The following ASTN2 variants were observed in gnomAD, a reference collection of about 807,000 sequenced individuals.
ASTN2 encodes the protein astrotactin 2.
Under a neutral mutation model 139.8 loss-of-function variants are expected in ASTN2, and 54 were observed. That is an observed-to-expected ratio of 0.39 (90% confidence interval 0.31 to 0.48). The LOEUF is 0.48. ASTN2 is among the 20% of genes least tolerant of loss of function. ASTN2 has a pLI of 0.95. For synonymous variants in ASTN2, 756 were observed against 719.5 expected, an observed-to-expected ratio of 1.05 and a Z score of -0.81; for missense variants, 1,565 against 1,725.1, an observed-to-expected ratio of 0.91 and a Z score of 1.64.
intron 10 of ASTN2, among the ~76,000 whole-genome samples, chr9:116,937,088 A>T (rs1434917350): frequency 6.6e-6 from 1 of 152,222 alleles, no homozygotes; most frequent in Non-Finnish European, 1.5e-5. Context: ...ATGCTAGGAC[A>T]ACAACCTTGA....
intron 19 of ASTN2, among the ~76,000 whole-genome samples, chr9:116,515,051 G>C (rs971741131): frequency 6.6e-6 from 1 of 152,142 alleles, no homozygotes; most frequent in Non-Finnish European, 1.5e-5. Flanking sequence ...CAATACCTCA[G>C]TTGGAAATGC....
intron 16 of ASTN2, among the ~76,000 whole-genome samples, chr9:116,674,035 A>C (rs574333206): frequency 1.3e-5 from 2 of 152,230 alleles, no homozygotes; most frequent in Non-Finnish European, 2.9e-5. Flanking sequence ...AAATGGTAAC[A>C]GCTCTTTCCA....
At chr9:117,388,523 A>G (rs184599135) in intron 1 of ASTN2, among the ~76,000 whole-genome samples, 90 of 152,328 alleles carry the variant, frequency 5.9e-4, no homozygotes, top group African/African-American at 1.9e-3. Flanking sequence ...CTCCTTCAGC[A>G]ATTCTATCCT....
At position 116,464,474 on chromosome 9, in the gene ASTN2, T is replaced by G. The variant is rs983131; in HGVS notation, c.3498-21921A>C. 5.4e-3 allele frequency among the ~76,000 whole-genome samples: 815 copies of G among 152,316 alleles called. 5 individuals are homozygous for G. Among genetic ancestry groups the G allele is most frequent in the African/African-American group, 0.019 (779 of 41,586 alleles). ...GTGTCCTGGAATCATTGTAAAATAC[T>G]AGTAAAGGCTTAGCAGAGTGACTGG... On this transcript the variant is annotated intron_variant, in intron 20 of 22. Coordinates refer to ENST00000313400, the MANE Select transcript of ASTN2 (RefSeq NM_001365068.1).
intron 10 of ASTN2, among the ~76,000 whole-genome samples, chr9:116,895,265 A>G (rs2132395131): frequency 6.6e-6 from 1 of 152,352 alleles, no homozygotes; most frequent in East Asian, 1.9e-4. Flanking sequence ...TAAGGTGTAT[A>G]TGAAACATAT....
At chr9:117,313,452 G>C (rs542823655) in intron 1 of ASTN2, among the ~76,000 whole-genome samples, 60 of 152,262 alleles carry the variant, frequency 3.9e-4, no homozygotes, top group Middle Eastern at 3.4e-3. Context: ...CAGTCCCAGA[G>C]ACAGGAACAT....
At chr9:116,694,128 T>C (rs1405363052) in intron 16 of ASTN2, among the ~76,000 whole-genome samples, 1 of 152,136 alleles carries the variant, frequency 6.6e-6, no homozygotes, top group Non-Finnish European at 1.5e-5. Flanking sequence ...GCTGAGATAA[T>C]TTGGGGATGT....
intron 19 of ASTN2, among the ~76,000 whole-genome samples, chr9:116,507,479 C>A (rs1394064841): frequency 6.6e-6 from 1 of 152,142 alleles, no homozygotes; most frequent in African/African-American, 2.4e-5. Context: ...TGGCAGTCAA[C>A]ACTCCATCAT....
chr9:116,841,282 C>G (rs972553030), intron 11 of ASTN2, among the ~76,000 whole-genome samples: 6 of 152,122 alleles, frequency 3.9e-5, no homozygotes, highest in African/African-American at 1.4e-4. Context: ...CAAGCTGAGG[C>G]AGGAGAATCA....
chr9:117,037,937 T>G (rs1212070880), intron 6 of ASTN2, among the ~76,000 whole-genome samples: 1 of 152,216 alleles, frequency 6.6e-6, no homozygotes, highest in Non-Finnish European at 1.5e-5. Flanking sequence ...ACCACACATT[T>G]ACTTGTCTTA....
chr9:116,655,712 T>C lies in ASTN2; in HGVS notation c.2807-3919A>G, dbSNP rs1389372695. On this transcript the variant is annotated intron_variant, in intron 16 of 22. Transcript: ENST00000313400. Reference sequence around the variant, plus strand: ...TACACCAAGATTTTTTTTATATATATACAGCGTCTCACTCTGTCACTTGGG... The same window carrying C: ...TACACCAAGATTTTTTTTATATATACACAGCGTCTCACTCTGTCACTTGGG... Among the ~76,000 whole-genome samples the C allele has an allele frequency of 2.6e-5, 4 of 152,120 alleles. No individual in the cohort carries two copies. The East Asian group carries it at 5.8e-4, about 22-fold the overall frequency.
chr9:117,074,613 G>C (rs1379854860), intron 5 of ASTN2, among the ~76,000 whole-genome samples: 1 of 152,190 alleles, frequency 6.6e-6, no homozygotes, highest in Admixed American at 6.5e-5. Flanking sequence ...TGCGCTGTCA[G>C]AACAGCAGAA....
At chr9:116,676,705 T>C (rs1859523086) in intron 16 of ASTN2, among the ~76,000 whole-genome samples, 1 of 152,224 alleles carries the variant, frequency 6.6e-6, no homozygotes, top group African/African-American at 2.4e-5. Flanking sequence ...GGAAAAGCAA[T>C]AGAAACTGCT....
chr9:117,158,376 C>T (rs958184581), intron 3 of ASTN2, among the ~76,000 whole-genome samples: 1 of 152,046 alleles, frequency 6.6e-6, no homozygotes, highest in African/African-American at 2.4e-5. Flanking sequence ...GAAGTCAAGA[C>T]TGCATTCTAA....
At position 116,485,748 on chromosome 9, in the gene ASTN2, C is replaced by T. The variant is rs187161226; in HGVS notation, c.3497+1611G>A. Among the ~76,000 whole-genome samples, 123 of 152,314 alleles carry T rather than the reference C, an allele frequency of 8.1e-4. 1 individual carries two copies. The highest frequency in any genetic ancestry group is 7.6e-4 in the Non-Finnish European group (52 of 68,032). ...AGAGCATTCACTGCCCCCCAGGTGA[C>T]TTAATATAAAGCTTGGGTCCCAACA... On this transcript the variant is annotated intron_variant, in intron 20 of 22. Transcript: ENST00000313400.
rs369120078 is a variant in ASTN2, at chr9:117,040,003, T to A, written c.1277-38A>T. 1.9e-4 allele frequency: 296 copies of A among 1,562,224 alleles called. 1 individual carries two copies. Among genetic ancestry groups the A allele is most frequent in the Non-Finnish European group, 2.1e-4 (246 of 1,148,812 alleles). ...ACATACACAAAGACACAAAATTCCA[T>A]GAGGTGAGGAAATGGGATTGGCATC... is the stretch of plus-strand genomic sequence containing the variant. On this transcript the variant is annotated intron_variant, in intron 5 of 22. Coordinates refer to ENST00000313400, the MANE Select transcript of ASTN2 (RefSeq NM_001365068.1).
intron 12 of ASTN2, among the ~76,000 whole-genome samples, chr9:116,814,879 C>T (rs1196444990): frequency 2.0e-5 from 3 of 152,166 alleles, no homozygotes; most frequent in Non-Finnish European, 4.4e-5. Context: ...ATGGATATTA[C>T]GTGTTTCCAT....
chr9:116,612,144 G>C (rs1855574247), intron 19 of ASTN2: 1 of 152,054 alleles, frequency 6.6e-6, no homozygotes, highest in African/African-American at 2.4e-5. Flanking sequence ...CAGCAGACTA[G>C]AAATAGAAGA....
chr9:117,064,132 C>A (rs768812489), intron 5 of ASTN2, among the ~76,000 whole-genome samples: 1 of 151,750 alleles, frequency 6.6e-6, no homozygotes, highest in Non-Finnish European at 1.5e-5. Context: ...GCGCTCACAA[C>A]GCAGAAACAT....
Sources: gnomAD v4.1 joint callset for allele counts (sites outside exome capture counted in the v4.1 genomes callset) on GRCh38, gnomAD v4.1.1 for gene constraint, MANE v1.5 for transcripts, NCBI Gene and HGNC (gene_info 2026-07-23, HGNC 2026-07-21) for gene names.